The following ARHGAP12 variants were observed in gnomAD, a reference collection of about 807,000 sequenced individuals.
ARHGAP12 encodes rho GTPase-activating protein 12.
ARHGAP12 carries 64 observed loss-of-function variants against 108.6 expected under a neutral mutation model. That is an observed-to-expected ratio of 0.59 (90% confidence interval 0.48 to 0.73). ARHGAP12 has a LOEUF of 0.73. Ranked by LOEUF, ARHGAP12 falls within the 30% of genes least tolerant of loss-of-function variation. ARHGAP12 has a pLI of 0.00. For missense variants in ARHGAP12, 940 were observed against 1,005.9 expected (o/e 0.93, Z 0.89); for synonymous variants, 312 against 337.2 (o/e 0.93, Z 0.82).
chr10:31,882,116 G>A (rs918678649), intron 3 of ARHGAP12, among the ~76,000 whole-genome samples: 5 of 151,834 alleles, frequency 3.3e-5, no homozygotes, highest in Admixed American at 1.3e-4. Flanking sequence ...GGGTTTCACC[G>A]TTTTAGCCGG....
intron 3 of ARHGAP12, among the ~76,000 whole-genome samples, chr10:31,904,051 A>T (rs1351512812): frequency 6.6e-6 from 1 of 152,204 alleles, no homozygotes; most frequent in Non-Finnish European, 1.5e-5. Context: ...AACACTTGGG[A>T]CTATTTTCTA....
intron 3 of ARHGAP12, among the ~76,000 whole-genome samples, chr10:31,866,740 T>A (rs997362618): frequency 6.6e-6 from 1 of 152,050 alleles, no homozygotes; most frequent in Non-Finnish European, 1.5e-5. Context: ...CTCAGCCTCC[T>A]GAGTAGCTGG....
chr10:31,877,702 T>C (rs1837783774), intron 3 of ARHGAP12, among the ~76,000 whole-genome samples: 1 of 152,238 alleles, frequency 6.6e-6, no homozygotes, highest in Non-Finnish European at 1.5e-5. Flanking sequence ...ACCATCCACA[T>C]GACATGGGTG....
At chr10:31,843,656 C>T (rs925354986) in intron 6 of ARHGAP12, 70 bp from the exon 7 acceptor site, 27 of 1,468,938 alleles carry the variant, frequency 1.8e-5, no homozygotes, top group Admixed American at 5.1e-5. Flanking sequence ...GGAATCTAAA[C>T]ATCTTGGCTC....
At chr10:31,826,016 T>C (rs1448679604) in intron 11 of ARHGAP12, among the ~76,000 whole-genome samples, 1 of 152,086 alleles carries the variant, frequency 6.6e-6, no homozygotes, top group Non-Finnish European at 1.5e-5. Flanking sequence ...ATCCTGAAAA[T>C]GAATCAAGAA....
Position 31,887,197 on chromosome 10 carries a change from T to A in ARHGAP12, c.684+20975A>T, listed in dbSNP as rs1592337669. On this transcript the variant is annotated intron_variant, in intron 3 of 19. Coordinates refer to ENST00000344936, the MANE Select transcript of ARHGAP12 (RefSeq NM_018287.7). ...ATCCAGGGAAGTGTTGCAGTTTGAG[T>A]CCAAAGGTGGTCTGCTGGCTCAATT... is the stretch of plus-strand genomic sequence containing the variant. Among the ~76,000 whole-genome samples, 3 of 152,226 alleles carry A rather than the reference T, an allele frequency of 2.0e-5. No individual in the cohort carries two copies. In the South Asian group the frequency reaches 6.2e-4, roughly 32 times the overall value.
At chr10:31,876,413 G>A (rs1173858167) in intron 3 of ARHGAP12, among the ~76,000 whole-genome samples, 3 of 151,970 alleles carry the variant, frequency 2.0e-5, no homozygotes, top group Non-Finnish European at 4.4e-5. Flanking sequence ...CAGCTATTGA[G>A]GCTGGAGAAT....
intron 1 of ARHGAP12, among the ~76,000 whole-genome samples, chr10:31,911,599 C>G (rs1839351328): frequency 1.3e-5 from 2 of 152,164 alleles, no homozygotes; most frequent in Admixed American, 1.3e-4. Context: ...CAGGCGCGAC[C>G]ACACCCAGCC....
At chr10:31,824,230 G>A (rs193203441) in intron 11 of ARHGAP12, among the ~76,000 whole-genome samples, 20 of 152,212 alleles carry the variant, frequency 1.3e-4, no homozygotes, top group African/African-American at 4.8e-4. Context: ...GTACAACCAA[G>A]CATTTCACCA....
intron 3 of ARHGAP12, among the ~76,000 whole-genome samples, chr10:31,882,392 TAAG>T (rs58295419): frequency 0.2 from 30,168 of 151,904 alleles, 3,293 homozygotes; most frequent in East Asian, 0.39. Flanking sequence ...ACTAATATAA[TAAG>T]GAGAACTAAG....
At chr10:31,884,469 G>A (rs370814826) in intron 3 of ARHGAP12, among the ~76,000 whole-genome samples, 258 of 152,220 alleles carry the variant, frequency 1.7e-3, no homozygotes, top group African/African-American at 6.1e-3. Context: ...GGACAAGGAA[G>A]AAATACTTTA....
intron 19 of ARHGAP12, 130 bp from the exon 20 acceptor site, chr10:31,807,962 A>C: frequency 1.7e-6 from 1 of 589,422 alleles, no homozygotes; most frequent in Non-Finnish European, 2.6e-6. Context: ...GGTGATGCAT[A>C]AACTATTTAA....
chr10:31,915,869 T>C (rs1839534721), intron 1 of ARHGAP12, among the ~76,000 whole-genome samples: 2 of 152,198 alleles, frequency 1.3e-5, no homozygotes, highest in South Asian at 2.1e-4. Flanking sequence ...ACTAAAACTT[T>C]AGATCTAGGT....
chr10:31,904,873 C>A (rs527455386), intron 3 of ARHGAP12, among the ~76,000 whole-genome samples: 1 of 152,204 alleles, frequency 6.6e-6, no homozygotes, highest in South Asian at 2.1e-4. Context: ...GTGATCCTCC[C>A]ACCTCGGCCT....
intron 3 of ARHGAP12, among the ~76,000 whole-genome samples, chr10:31,886,642 T>C (rs1838200134): frequency 6.6e-6 from 1 of 152,192 alleles, no homozygotes; most frequent in Non-Finnish European, 1.5e-5. Context: ...TAAATAACTG[T>C]GCTATATGAA....
chr10:31,824,836 T>C (rs1309618312), intron 11 of ARHGAP12, among the ~76,000 whole-genome samples: 1 of 152,148 alleles, frequency 6.6e-6, no homozygotes, highest in Non-Finnish European at 1.5e-5. Context: ...AAAAGTGACT[T>C]ATTAATCTCT....
intron 1 of ARHGAP12, among the ~76,000 whole-genome samples, chr10:31,912,148 T>A (rs1036747474): frequency 1.3e-5 from 2 of 152,192 alleles, no homozygotes; most frequent in African/African-American, 4.8e-5. Flanking sequence ...TATACAAATT[T>A]TTCACAACTT....
At chr10:31,913,934 T>C (rs766263994) in intron 1 of ARHGAP12, among the ~76,000 whole-genome samples, 6 of 152,170 alleles carry the variant, frequency 3.9e-5, no homozygotes, top group Non-Finnish European at 8.8e-5. Context: ...ACCTTCTTGG[T>C]ATAGCACGGG....
intron 4 of ARHGAP12, among the ~76,000 whole-genome samples, chr10:31,859,383 C>T (rs977750773): frequency 2.6e-5 from 4 of 152,206 alleles, no homozygotes; most frequent in African/African-American, 9.7e-5. Flanking sequence ...AAATGCCTCA[C>T]AATTGTGAGA....
Sources: allele counts gnomAD v4.1 joint callset (sites outside exome capture counted in the v4.1 genomes callset), GRCh38; gene constraint gnomAD v4.1.1; transcripts MANE v1.5; gene names NCBI Gene and HGNC (gene_info 2026-07-23, HGNC 2026-07-21).